The following CNTN5 variants were observed in gnomAD, a reference collection of about 807,000 sequenced individuals.
CNTN5 encodes the protein contactin 5.
CNTN5 carries 77 observed loss-of-function variants against 129.1 expected under a neutral mutation model. That is an observed-to-expected ratio of 0.60 (90% CI 0.50 to 0.72). The LOEUF (loss-of-function observed/expected upper bound fraction) is 0.72. Among genes scored for constraint, CNTN5 ranks in the 30% least tolerant of loss-of-function variants. The pLI, the probability that CNTN5 is intolerant of heterozygous loss-of-function variation, is 0.00. For missense variants in CNTN5, 1,478 were observed against 1,328.8 expected (o/e 1.11, Z -1.75); for synonymous variants, 509 against 465.6 (o/e 1.09, Z -1.20).
chr11:99,778,308 A>G (rs1015113721), intron 3 of CNTN5, among the ~76,000 whole-genome samples: 5 of 151,812 alleles, frequency 3.3e-5, no homozygotes, highest in Admixed American at 2.6e-4. Context: ...CTTGATCAAT[A>G]TTGAGCAATG....
intron 15 of CNTN5, among the ~76,000 whole-genome samples, chr11:100,199,950 G>C (rs1948737417): frequency 6.6e-6 from 1 of 151,914 alleles, no homozygotes; most frequent in Non-Finnish European, 1.5e-5. Flanking sequence ...CGTTTTCTCT[G>C]CTTAGCCAAC....
intron 4 of CNTN5, among the ~76,000 whole-genome samples, chr11:99,827,687 T>C (rs1565577559): frequency 2.0e-5 from 3 of 152,198 alleles, no homozygotes; most frequent in Non-Finnish European, 4.4e-5. Flanking sequence ...TTGTTTCCAA[T>C]ATTTTAACAA....
intron 16 of CNTN5, among the ~76,000 whole-genome samples, chr11:100,251,506 C>T (rs1376569449): frequency 1.3e-5 from 2 of 151,970 alleles, no homozygotes; most frequent in African/African-American, 4.8e-5. Context: ...GGTCTATAGC[C>T]CTAGAACTTA....
At chr11:99,162,153 A>C (rs938894029) in intron 1 of CNTN5, among the ~76,000 whole-genome samples, 7 of 152,138 alleles carry the variant, frequency 4.6e-5, no homozygotes, top group Non-Finnish European at 8.8e-5. Context: ...GTTGATCTAA[A>C]CTAAAAAGAG....
At chr11:99,075,200 CAAAT>C (rs1865512757) in intron 1 of CNTN5, among the ~76,000 whole-genome samples, 1 of 152,030 alleles carries the variant, frequency 6.6e-6, no homozygotes, top group African/African-American at 2.4e-5. Context: ...TTTCTGCAAC[CAAAT>C]AAATAATAAA....
intron 17 of CNTN5, among the ~76,000 whole-genome samples, chr11:100,266,211 A>G (rs1950300475): frequency 6.6e-6 from 1 of 152,036 alleles, no homozygotes; most frequent in South Asian, 2.1e-4. Flanking sequence ...TGGACAACAG[A>G]AGGAGATCTT....
chr11:99,608,429 T>C (rs1950496192), intron 3 of CNTN5, among the ~76,000 whole-genome samples: 1 of 152,162 alleles, frequency 6.6e-6, no homozygotes, highest in South Asian at 2.1e-4. Context: ...CCTTCTAACC[T>C]CCCTGGTCAG....
chr11:100,191,228 A>G lies in CNTN5; in HGVS notation c.1683A>G (p.Glu561=), dbSNP rs923183293. The change falls in exon 14 of 25, where the codon GAA becomes GAG. Residue 561 remains glutamate (E), a synonymous_variant. Transcript: ENST00000524871. ...GGGAAAACGTCTTTGGTTCTGCTGA[A>G]ATTATAGCTTCGCTATCTGTAAAAG... The part of the protein sequence containing the change: ...CRGENVFGSA[E]IIASLSVKEP... The G allele has an allele frequency of 6.2e-7, 1 of 1,612,688 alleles. No homozygotes were observed.
chr11:99,708,080 T>G (rs748595699), intron 3 of CNTN5, among the ~76,000 whole-genome samples: 7 of 151,654 alleles, frequency 4.6e-5, no homozygotes, highest in Non-Finnish European at 1.5e-5. Flanking sequence ...TGAGCGACCT[T>G]CAGAGGTCAA....
rs187580340 is a variant in CNTN5 at position 99,261,702 on chromosome 11, C to T, written c.-209-63644C>T. 4.3e-4 allele frequency among the ~76,000 whole-genome samples: 66 copies of T among 152,116 alleles called. No homozygotes were observed. In the East Asian group the frequency reaches 0.012, roughly 28 times the overall value. Reference sequence around the variant, plus strand: ...GTGTAATTTTCATAACTAACATCATCATAATTACCCTCTTTGAAGATAGGT... The same window carrying T: ...GTGTAATTTTCATAACTAACATCATTATAATTACCCTCTTTGAAGATAGGT... On this transcript the variant is annotated intron_variant, in intron 1 of 24. Transcript: ENST00000524871.
At chr11:100,218,122 T>C (rs1227522539) in intron 15 of CNTN5, among the ~76,000 whole-genome samples, 2 of 152,206 alleles carry the variant, frequency 1.3e-5, no homozygotes, top group Non-Finnish European at 2.9e-5. Context: ...TGTATTTGCA[T>C]TGGAGGTCCA....
At chr11:100,292,564 T>C (rs1341473611) in intron 18 of CNTN5, among the ~76,000 whole-genome samples, 1 of 151,996 alleles carries the variant, frequency 6.6e-6, no homozygotes, top group Non-Finnish European at 1.5e-5. Flanking sequence ...GTGTGATAGG[T>C]AAGCATCTGA....
At chr11:99,899,302 C>T (rs1216403658) in intron 6 of CNTN5, among the ~76,000 whole-genome samples, 2 of 151,866 alleles carry the variant, frequency 1.3e-5, no homozygotes, top group Admixed American at 1.3e-4. Context: ...TTGTCTTTTC[C>T]CAGTTCTTAG....
intron 1 of CNTN5, among the ~76,000 whole-genome samples, chr11:99,164,676 A>G (rs895250348): frequency 6.6e-6 from 1 of 152,180 alleles, no homozygotes; most frequent in Non-Finnish European, 1.5e-5. Context: ...AGTACATGCT[A>G]TTTTCCCTGA....
intron 13 of CNTN5, among the ~76,000 whole-genome samples, chr11:100,115,833 G>A (rs1945824168): frequency 6.6e-6 from 1 of 151,826 alleles, no homozygotes; most frequent in Admixed American, 6.6e-5. Flanking sequence ...AGGTATTTTG[G>A]GTTTTGAAAC....
chr11:100,169,012 G>C (rs1947742831), intron 13 of CNTN5, among the ~76,000 whole-genome samples: 1 of 151,898 alleles, frequency 6.6e-6, no homozygotes, highest in South Asian at 2.1e-4. Context: ...AGTAGTATTG[G>C]AATTGGAGAC....
At chr11:99,379,688 C>T (rs7936578) in intron 2 of CNTN5, among the ~76,000 whole-genome samples, 19,298 of 152,128 alleles carry the variant, frequency 0.13, 1,331 homozygotes, top group Non-Finnish European at 0.16. Flanking sequence ...TATATATACA[C>T]ACATGCATAT....
chr11:100,163,323 G>GT (rs949723055), intron 13 of CNTN5, among the ~76,000 whole-genome samples: 2 of 151,454 alleles, frequency 1.3e-5, no homozygotes, highest in Non-Finnish European at 3.0e-5. Flanking sequence ...ACTTGTTTAT[G>GT]TTTTTTTCTG....
intron 6 of CNTN5, among the ~76,000 whole-genome samples, chr11:99,856,625 A>AG (rs57152932): frequency 1 from 152,249 of 152,258 alleles, 76,120 homozygotes; most frequent in Non-Finnish European, 1. Flanking sequence ...AAGACTAAAT[A>AG]TTTGAGAACA....
Sources: allele counts gnomAD v4.1 joint callset (sites outside exome capture counted in the v4.1 genomes callset), GRCh38; gene constraint gnomAD v4.1.1; transcripts MANE v1.5; gene names NCBI Gene and HGNC (gene_info 2026-07-23, HGNC 2026-07-21).